Variants in ZNF609 observed in about 807,000 individuals in gnomAD.
The protein encoded by ZNF609 is zinc finger protein 609.
A neutral mutation model predicts 109.5 loss-of-function variants in ZNF609; 11 were observed. The ratio of observed to expected loss-of-function variants is 0.10; its 90% CI spans 0.06 to 0.17. The LOEUF (loss-of-function observed/expected upper bound fraction) is 0.17, where lower values mean the gene tolerates loss of function less well. Ranked by LOEUF, ZNF609 falls within the 10% of genes least tolerant of loss-of-function variation. The pLI, the probability that ZNF609 is intolerant of heterozygous loss-of-function variation, is 1.00. For missense variants in ZNF609, 1,559 were observed against 1,772.4 expected (o/e 0.88, Z 2.16); for synonymous variants, 646 against 662.0 (o/e 0.98, Z 0.37).
chr15:64,533,257 T>C (rs1008782335), intron 2 of ZNF609, among the ~76,000 whole-genome samples: 6 of 152,060 alleles, frequency 3.9e-5, no homozygotes, highest in Non-Finnish European at 2.9e-5. Context: ...CATCATGTTG[T>C]CCAGGCTGGT....
intron 2 of ZNF609, among the ~76,000 whole-genome samples, chr15:64,564,224 T>C (rs1894737957): frequency 6.6e-6 from 1 of 151,560 alleles, no homozygotes; most frequent in South Asian, 2.1e-4. Context: ...AAAAAAACAG[T>C]TTATGTAAGG....
intron 3 of ZNF609, among the ~76,000 whole-genome samples, chr15:64,658,343 A>C (rs1896521503): frequency 1.3e-5 from 2 of 152,050 alleles, no homozygotes; most frequent in African/African-American, 4.8e-5. Flanking sequence ...GATTACAGGC[A>C]TGCACCACCA....
intron 2 of ZNF609, among the ~76,000 whole-genome samples, chr15:64,609,102 TTC>T (rs1389474124): frequency 1.2e-4 from 4 of 32,454 alleles, no homozygotes; most frequent in Non-Finnish European, 4.2e-4. Flanking sequence ...CTTTCTTTCT[TTC>T]TTTCTTTCTT....
At chr15:64,553,220 G>A (rs1894514331) in intron 2 of ZNF609, among the ~76,000 whole-genome samples, 1 of 149,660 alleles carries the variant, frequency 6.7e-6, no homozygotes, top group South Asian at 2.1e-4. Context: ...TTATTTGGCT[G>A]TTATAGATTA....
chr15:64,493,135 A>G (rs1418913761), intron 1 of ZNF609, among the ~76,000 whole-genome samples: 1 of 152,154 alleles, frequency 6.6e-6, no homozygotes, highest in Non-Finnish European at 1.5e-5. Context: ...GTAGTTACCA[A>G]TTAAAGGAAT....
At chr15:64,546,020 A>G (rs997327083) in intron 2 of ZNF609, among the ~76,000 whole-genome samples, 2 of 152,198 alleles carry the variant, frequency 1.3e-5, no homozygotes, top group Admixed American at 1.3e-4. Flanking sequence ...ATAAATACAT[A>G]CACATGAAAT....
At chr15:64,465,415 C>G (rs577391587) in intron 1 of ZNF609, among the ~76,000 whole-genome samples, 239 of 152,112 alleles carry the variant, frequency 1.6e-3, no homozygotes, top group African/African-American at 5.6e-3. Context: ...GAGTTTCGCT[C>G]CTGTGGCCCA....
Position 64,479,973 on chromosome 15 carries a change from G to A in ZNF609, c.-128+19135G>A, listed in dbSNP as rs571241029. ...TTATTGGCCAGGAGCAGTGGCTCAC[G>A]CCTTTAATCCTAACACTTTGGGAGG... On this transcript the variant is annotated intron_variant, in intron 1 of 9. Coordinates refer to ENST00000326648, the MANE Select transcript of ZNF609 (RefSeq NM_015042.2). 2.7e-5 allele frequency among the ~76,000 whole-genome samples: 3 copies of A among 112,996 alleles called. No homozygotes were observed. The South Asian group carries it at 8.1e-4, about 31-fold the overall frequency. 74.1% of individuals were successfully genotyped at this position (112,996 alleles called of 152,430 possible).
intron 1 of ZNF609, among the ~76,000 whole-genome samples, chr15:64,467,192 CTTCT>C (rs1179162767): frequency 2.0e-5 from 3 of 152,126 alleles, no homozygotes; most frequent in East Asian, 3.8e-4. Context: ...GAAATTTTTC[CTTCT>C]TTCTTTTGCA....
chr15:64,562,105 A>G (rs55990268), intron 2 of ZNF609, among the ~76,000 whole-genome samples: 7,329 of 152,330 alleles, frequency 0.048, 234 homozygotes, highest in South Asian at 0.086. Flanking sequence ...ATGCTGGTAT[A>G]AAACCTAATA....
intron 2 of ZNF609, among the ~76,000 whole-genome samples, chr15:64,616,231 C>T (rs1287820861): frequency 6.6e-6 from 1 of 151,964 alleles, no homozygotes; most frequent in African/African-American, 2.4e-5. Flanking sequence ...TCAGCTCAAG[C>T]AATCCTCCCG....
chr15:64,477,290 G>T (rs1412306635), intron 1 of ZNF609, among the ~76,000 whole-genome samples: 2 of 151,578 alleles, frequency 1.3e-5, no homozygotes, highest in African/African-American at 4.8e-5. Context: ...ACAGGCGCCT[G>T]CCCCCACACC....
chr15:64,606,442 C>G (rs1403355131), intron 2 of ZNF609, among the ~76,000 whole-genome samples: 2 of 151,414 alleles, frequency 1.3e-5, no homozygotes, highest in Admixed American at 1.3e-4. Context: ...CGCCTGTAAT[C>G]CCAGCTACTT....
intron 2 of ZNF609, among the ~76,000 whole-genome samples, chr15:64,576,274 A>C (rs1209438331): frequency 6.6e-6 from 1 of 152,160 alleles, no homozygotes; most frequent in African/African-American, 2.4e-5. Context: ...GTTGTTATTA[A>C]TAATAATCTT....
At chr15:64,474,637 G>T (rs1192401579) in intron 1 of ZNF609, among the ~76,000 whole-genome samples, 3 of 151,966 alleles carry the variant, frequency 2.0e-5, no homozygotes, top group Non-Finnish European at 2.9e-5. Flanking sequence ...ACTCATTTAG[G>T]TAATATTTAC....
chr15:64,607,679 A>C (rs865956989), intron 2 of ZNF609, among the ~76,000 whole-genome samples: 32 of 151,128 alleles, frequency 2.1e-4, no homozygotes, highest in African/African-American at 7.1e-4. Context: ...TAATTTTTGT[A>C]TTTTTAGTAC....
intron 3 of ZNF609, among the ~76,000 whole-genome samples, chr15:64,666,916 CAGG>C (rs1310897270): frequency 6.6e-6 from 1 of 151,958 alleles, no homozygotes; most frequent in African/African-American, 2.4e-5. Flanking sequence ...ATCATGAGAT[CAGG>C]AGATCAAGAC....
rs1321750035 is a variant in ZNF609 at position 64,675,826 on chromosome 15, A to G, written c.2972A>G (p.His991Arg). ...PPYGYSDQSY[H>R]THLLSTNTAY... The stretch of plus-strand genomic sequence containing the variant: ...TATGGCTACAGCGACCAGAGTTACC[A>G]CACCCACCTTCTGAGCACTAACACG... The change falls in exon 5 of 10, where the codon CAC becomes CGC. Residue 991 changes from histidine (H) to arginine (R), a missense_variant. Around this residue, in one of 4 missense-constraint regions of ZNF609, gnomAD observed 1,204 missense variants for 1,314.1 expected, o/e 0.92. Coordinates refer to ENST00000326648, the MANE Select transcript of ZNF609 (RefSeq NM_015042.2). 6.2e-7 allele frequency: 1 copy of G among 1,614,188 alleles called. No individual in the cohort carries two copies. Among genetic ancestry groups the G allele is most frequent in the Non-Finnish European group, 8.5e-7 (1 of 1,180,034 alleles).
chr15:64,633,680 T>C (rs1896121483), intron 3 of ZNF609, among the ~76,000 whole-genome samples: 1 of 152,176 alleles, frequency 6.6e-6, no homozygotes, highest in Non-Finnish European at 1.5e-5. Context: ...ACAGAGACCA[T>C]GTGGCCTGCA....
Sources: gnomAD v4.1 joint callset for allele counts (sites outside exome capture counted in the v4.1 genomes callset) on GRCh38, gnomAD v4.1.1 for gene constraint, gnomAD v4.1.1 regional missense constraint, MANE v1.5 for transcripts, NCBI Gene and HGNC (gene_info 2026-07-23, HGNC 2026-07-21) for gene names.